Variants in DPP9 observed in about 807,000 individuals in gnomAD.
The protein encoded by DPP9 is dipeptidyl peptidase 9.
DPP9 carries 50 observed loss-of-function variants against 110.7 expected under a neutral mutation model. The observed-to-expected ratio is 0.45, with a 90% CI of 0.36 to 0.57. DPP9 has a LOEUF of 0.57. DPP9 is among the 20% of genes least tolerant of loss of function. The probability of loss-of-function intolerance (pLI) is 0.00; values close to 1 mark genes in which losing one functional copy is unlikely to be tolerated. For synonymous variants in DPP9, 561 were observed against 514.4 expected (o/e 1.09, Z -1.23); for missense variants, 1,022 against 1,217.9 (o/e 0.84, Z 2.39).
chr19:4,721,669 T>G (rs1053617181), intron 2 of DPP9, among the ~76,000 whole-genome samples: 4 of 152,168 alleles, frequency 2.6e-5, no homozygotes, highest in Admixed American at 2.0e-4. Flanking sequence ...TAATCCCAGC[T>G]ACTCAGGAGG....
chr19:4,721,762 A>G (rs2093333171), intron 2 of DPP9, among the ~76,000 whole-genome samples: 1 of 152,318 alleles, frequency 6.6e-6, no homozygotes, highest in South Asian at 2.1e-4. Context: ...GGGGTGACAG[A>G]GCGAGGTTCT....
Position 4,683,533 on chromosome 19 carries a change from A to C in DPP9, c.2275T>G (p.Ser759Ala). 6.2e-7 allele frequency: 1 copy of C among 1,613,318 alleles called. No individual in the cohort carries two copies. Among genetic ancestry groups the C allele is most frequent in the Non-Finnish European group, 8.5e-7 (1 of 1,179,842 alleles). The change falls in exon 19 of 22, where the codon TCC becomes GCC. Residue 759 changes from serine (S) to alanine (A), a missense_variant. Coordinates refer to ENST00000262960, the MANE Select transcript of DPP9 (RefSeq NM_139159.5). ...DLSRVAIHGW[S>A]YGGFLSLMGL... Reference sequence around the variant, plus strand: ...ATGAGCGAGAGGAAGCCCCCGTAGGACCAGCCATGGATGGCAACTCGGCTC... The same window carrying C: ...ATGAGCGAGAGGAAGCCCCCGTAGGCCCAGCCATGGATGGCAACTCGGCTC...
chr19:4,703,670 CA>C (rs561951827), intron 7 of DPP9, among the ~76,000 whole-genome samples: 379 of 117,456 alleles, frequency 3.2e-3, no homozygotes, highest in Non-Finnish European at 3.6e-3. Context: ...GAGACTCTCT[CA>C]AAAAAAAAAA....
chr19:4,683,282 C>T (rs766439426), intron 19 of DPP9, 195 bp downstream of exon 19: 16 of 1,437,328 alleles, frequency 1.1e-5, no homozygotes, highest in African/African-American at 7.2e-5. Flanking sequence ...CTGCGGTCGG[C>T]GGTGGCGGGC....
intron 16 of DPP9, among the ~76,000 whole-genome samples, chr19:4,686,120 CTTCTTTTTTTTT>C (rs913918646): frequency 6.6e-6 from 1 of 150,884 alleles, no homozygotes; most frequent in Admixed American, 6.6e-5. Flanking sequence ...TTTTCTTTTT[CTTCTTTTTTTTT>C]TTCAAGACAA....
chr19:4,714,890 T>C (rs1021942325), intron 3 of DPP9, among the ~76,000 whole-genome samples: 7 of 152,092 alleles, frequency 4.6e-5, no homozygotes, highest in African/African-American at 1.4e-4. Context: ...CAAATGAGCC[T>C]TCACTCAGCT....
chr19:4,712,288 C>T (rs1252115126), intron 4 of DPP9, among the ~76,000 whole-genome samples: 1 of 152,206 alleles, frequency 6.6e-6, no homozygotes, highest in East Asian at 1.9e-4. Context: ...GTGGCTGATG[C>T]CTGAAACCCT....
At chr19:4,681,174 C>T (rs1207809323) in intron 20 of DPP9, among the ~76,000 whole-genome samples, 2 of 152,144 alleles carry the variant, frequency 1.3e-5, no homozygotes, top group Non-Finnish European at 2.9e-5. Context: ...GAGCACAGAT[C>T]GGTGGCTGCC....
In DPP9 at chr19:4,682,569, G is replaced by A; in HGVS notation, c.2474+127C>T. On this transcript the variant is annotated intron_variant, in intron 20 of 21. Coordinates refer to ENST00000262960, the MANE Select transcript of DPP9 (RefSeq NM_139159.5). The surrounding 1 kb of genome is among the most constrained non-coding windows in gnomAD (Gnocchi z 7.1). ...GCCACCACAGGAGCACAGCGGGGAG[G>A]CTCCACATGGCCTGAGGCTCCCTGG... 7.3e-7 allele frequency: 1 copy of A among 1,374,860 alleles called. No homozygotes were observed. Among genetic ancestry groups the A allele is most frequent in the Non-Finnish European group, 9.8e-7 (1 of 1,017,450 alleles). 85.2% of individuals were successfully genotyped at this position (1,374,860 alleles called of 1,614,324 possible).
At position 4,700,503 on chromosome 19, in the gene DPP9, G is replaced by A. The variant is rs914167745; in HGVS notation, c.1013-226C>T. Among the ~76,000 whole-genome samples the A allele has an allele frequency of 2.0e-5, 3 of 152,184 alleles. No individual in the cohort carries two copies. The highest frequency in any genetic ancestry group is 2.4e-5 in the African/African-American group (1 of 41,452). On this transcript the variant is annotated intron_variant, in intron 9 of 21. Transcript: ENST00000262960. This position sits in a 1 kb window ranked among gnomAD's most constrained non-coding sequence, Gnocchi z 4.3. ...GACCTTCTGACTTTGGGCCTGGATC[G>A]CATTCCCAACAGTGATGTGGCATCT...
chr19:4,679,575 G>A (rs1479458192), intron 21 of DPP9: 1 of 512,794 alleles, frequency 2.0e-6, no homozygotes, highest in African/African-American at 1.9e-5. Context: ...CCGGAGCAGG[G>A]GTGGGTGTGG....
At position 4,689,229 on chromosome 19, in the gene DPP9, T is replaced by C. The variant is rs1372853030; in HGVS notation, c.1750-337A>G. Among the ~76,000 whole-genome samples the C allele has an allele frequency of 1.3e-5, 2 of 152,218 alleles. No homozygotes were observed. Among genetic ancestry groups the C allele is most frequent in the East Asian group, 3.9e-4 (2 of 5,194 alleles). On this transcript the variant is annotated intron_variant, in intron 15 of 21. Coordinates refer to ENST00000262960, the MANE Select transcript of DPP9 (RefSeq NM_139159.5). The surrounding 1 kb of genome is among the most constrained non-coding windows in gnomAD (Gnocchi z 7.0). ...GGCAAACTGCAGCTGACTCGTGCCC[T>C]GGACTAGGGGTGGCCCTCTGCATGG...
chr19:4,704,183 T>C lies in DPP9; in HGVS notation c.548A>G (p.Gln183Arg), dbSNP rs753462809. Reference protein sequence around the residue: ...FHSESGLFLFQASNSLFHCRD... With the variant: ...FHSESGLFLFRASNSLFHCRD... The stretch of plus-strand genomic sequence containing the variant: ...GCAGTGGAAGAGGCTGTTGCTGGCC[T>C]GGAAGAGGAAGAGGCCACTCTCGCT... The change falls in exon 6 of 22, where the codon CAG (glutamine) becomes CGG (arginine). Residue 183 changes from glutamine to arginine, a missense_variant. This residue lies in a region of DPP9 where 810 missense variants were observed against 920.6 expected (regional missense o/e 0.88). Transcript: ENST00000262960. This position sits in a 1 kb window ranked among gnomAD's most constrained non-coding sequence, Gnocchi z 6.0. 1.4e-5 allele frequency: 22 copies of C among 1,613,940 alleles called. No homozygotes were observed. The highest frequency in any genetic ancestry group is 1.9e-5 in the Non-Finnish European group (22 of 1,179,862).
chr19:4,689,490 G>C lies in DPP9; in HGVS notation c.1749+80C>G. ...GACCATGAGAATGACCCTGAGTGCT[G>C]TGCCGGGCCATGAGGGACTGCTCTG... On this transcript the variant is annotated intron_variant, in intron 15 of 21. Coordinates refer to ENST00000262960, the MANE Select transcript of DPP9 (RefSeq NM_139159.5). This position sits in a 1 kb window ranked among gnomAD's most constrained non-coding sequence, Gnocchi z 7.0. 4 of 1,493,500 alleles carry C rather than the reference G, an allele frequency of 2.7e-6. No individual in the cohort carries two copies. The highest frequency in any genetic ancestry group is 3.6e-6 in the Non-Finnish European group (4 of 1,118,806). 92.5% of individuals were successfully genotyped at this position (1,493,500 alleles called of 1,614,324 possible).
chr19:4,701,763 T>A (rs2092274327), intron 9 of DPP9, among the ~76,000 whole-genome samples: 1 of 152,244 alleles, frequency 6.6e-6, no homozygotes, highest in African/African-American at 2.4e-5. Context: ...CCTGCCTTCG[T>A]CTGGCCCTGG....
At chr19:4,686,854 G>A (rs2090784768) in intron 16 of DPP9, among the ~76,000 whole-genome samples, 1 of 152,204 alleles carries the variant, frequency 6.6e-6, no homozygotes, top group African/African-American at 2.4e-5. Context: ...AATTGGGCGT[G>A]GCGGGACACG....
Position 4,676,433 on chromosome 19 carries a change from C to G in DPP9, c.*131G>C. The G allele has an allele frequency of 1.3e-6, 1 of 762,226 alleles. No individual in the cohort carries two copies. Among genetic ancestry groups the G allele is most frequent in the Non-Finnish European group, 2.2e-6 (1 of 452,864 alleles). The allele number at this position is 762,226 out of a possible 1,614,324, so 47.2% of individuals were successfully genotyped here. ...CGGGGCGGTGAAGGCAGCGGCTCCT[C>G]GGGGCTGGCCAGCGCTGGGCGGGAC... is the stretch of plus-strand genomic sequence containing the variant. On this transcript the variant is annotated 3_prime_UTR_variant, in exon 22 of 22. Transcript: ENST00000262960. This position sits in a 1 kb window ranked among gnomAD's most constrained non-coding sequence, Gnocchi z 4.0.
At chr19:4,697,110 ACAGG>A (rs915481513) in intron 11 of DPP9, among the ~76,000 whole-genome samples, 12 of 151,780 alleles carry the variant, frequency 7.9e-5, no homozygotes, top group Non-Finnish European at 7.4e-5. Flanking sequence ...AAAAAAAAAA[ACAGG>A]CAGAGGCTGA....
chr19:4,690,492 G>A (rs900674743), intron 14 of DPP9, among the ~76,000 whole-genome samples: 5 of 152,224 alleles, frequency 3.3e-5, no homozygotes, highest in East Asian at 1.9e-4. Flanking sequence ...CCAGTCGGGG[G>A]AGCATCATGC....
Sources: allele counts gnomAD v4.1 joint callset (sites outside exome capture counted in the v4.1 genomes callset), GRCh38; gene constraint gnomAD v4.1.1; regional missense constraint gnomAD v4.1.1; non-coding constraint Gnocchi (gnomAD v3.1); transcripts MANE v1.5; gene names NCBI Gene and HGNC (gene_info 2026-07-23, HGNC 2026-07-21).